EVA1A: variants seen among roughly 807,000 people sequenced by gnomAD.
EVA1A encodes the protein eva-1 homolog A, regulator of programmed cell death, also known as protein eva-1 homolog A.
In EVA1A, 7 loss-of-function variants were observed where a neutral mutation model predicts 9.8. The ratio of observed to expected loss-of-function variants is 0.71; its 90% confidence interval spans 0.41 to 1.34. EVA1A has a LOEUF of 1.34. EVA1A is among the 40% of genes most tolerant of loss of function. The pLI is 0.01. For synonymous variants in EVA1A, 90 were observed against 85.6 expected (o/e 1.05, Z -0.28); for missense variants, 206 against 205.9 (o/e 1.00, Z 0.00).
chr2:75,523,095 G>T (rs1297190250), intron 1 of EVA1A, among the ~76,000 whole-genome samples: 1 of 152,192 alleles, frequency 6.6e-6, no homozygotes, highest in Non-Finnish European at 1.5e-5. Flanking sequence ...TGAGCATTGA[G>T]CTGTCCCCAC....
At chr2:75,549,951 T>A (rs1424981976) in intron 1 of EVA1A, among the ~76,000 whole-genome samples, 1 of 152,232 alleles carries the variant, frequency 6.6e-6, no homozygotes, top group Non-Finnish European at 1.5e-5. Flanking sequence ...GTCAGCATCA[T>A]GAACATGAAC....
intron 1 of EVA1A, among the ~76,000 whole-genome samples, chr2:75,546,904 G>A (rs1676348621): frequency 7.7e-6 from 1 of 129,422 alleles, no homozygotes; most frequent in South Asian, 2.4e-4. Flanking sequence ...GCCATCAATA[G>A]GCCAAAAAAA....
intron 1 of EVA1A, among the ~76,000 whole-genome samples, chr2:75,544,309 T>A (rs1021612948): frequency 4.6e-5 from 7 of 152,246 alleles, no homozygotes; most frequent in Non-Finnish European, 8.8e-5. Flanking sequence ...CTGGAATGTA[T>A]GCTCTTATAA....
chr2:75,560,625 G>T (rs113609413), intron 1 of EVA1A, 55 bp downstream of exon 1: 2,649 of 62,762 alleles, frequency 0.042, 38 homozygotes, highest in South Asian at 0.08. Flanking sequence ...GCCGGAGCCC[G>T]CTGGGGATGC....
At chr2:75,543,544 T>G (rs1676215104) in intron 1 of EVA1A, among the ~76,000 whole-genome samples, 1 of 151,452 alleles carries the variant, frequency 6.6e-6, no homozygotes, top group African/African-American at 2.4e-5. Context: ...AACCTTGACC[T>G]GGAAGTCTAG....
At chr2:75,553,348 C>A (rs1676591764) in intron 1 of EVA1A, among the ~76,000 whole-genome samples, 1 of 152,208 alleles carries the variant, frequency 6.6e-6, no homozygotes, top group Admixed American at 6.5e-5. Context: ...CTGCCATAGG[C>A]CAGTTTACAG....
At chr2:75,503,891 AT>A (rs1558671964) in intron 3 of EVA1A, among the ~76,000 whole-genome samples, 2 of 152,230 alleles carry the variant, frequency 1.3e-5, no homozygotes, top group African/African-American at 4.8e-5. Flanking sequence ...ATAAAAATGT[AT>A]TGTACTTGGG....
At chr2:75,524,676 C>G (rs1675357188) in intron 1 of EVA1A, among the ~76,000 whole-genome samples, 1 of 152,170 alleles carries the variant, frequency 6.6e-6, no homozygotes. Flanking sequence ...CTCATTCCAT[C>G]TTCTCAGCTT....
At chr2:75,528,346 T>C (rs1404536082) in intron 1 of EVA1A, among the ~76,000 whole-genome samples, 1 of 152,140 alleles carries the variant, frequency 6.6e-6, no homozygotes, top group African/African-American at 2.4e-5. Context: ...AAGCCCTGCT[T>C]GCTTTCTCAG....
At chr2:75,560,022 C>T (rs1487418139) in intron 1 of EVA1A, among the ~76,000 whole-genome samples, 1 of 152,202 alleles carries the variant, frequency 6.6e-6, no homozygotes, top group East Asian at 1.9e-4. Flanking sequence ...GTACTGCGTG[C>T]CAACACCTCC....
intron 1 of EVA1A, among the ~76,000 whole-genome samples, chr2:75,543,584 C>T (rs531481454): frequency 5.3e-5 from 8 of 152,264 alleles, no homozygotes; most frequent in East Asian, 1.9e-4. Context: ...CACCCCACCC[C>T]GCAAGGAGCT....
chr2:75,496,360 A>G (rs903443852), intron 3 of EVA1A, among the ~76,000 whole-genome samples: 1 of 152,180 alleles, frequency 6.6e-6, no homozygotes, highest in Non-Finnish European at 1.5e-5. Flanking sequence ...AATCAATACA[A>G]AAATCAGTAG....
chr2:75,515,025 C>A (rs530736311), intron 3 of EVA1A, among the ~76,000 whole-genome samples: 1 of 152,202 alleles, frequency 6.6e-6, no homozygotes, highest in African/African-American at 2.4e-5. Flanking sequence ...AAATGTTAAT[C>A]GCATTGCAGT....
chr2:75,494,796 T>C (rs920904323), intron 3 of EVA1A, among the ~76,000 whole-genome samples: 11 of 152,210 alleles, frequency 7.2e-5, no homozygotes, highest in Non-Finnish European at 1.0e-4. Flanking sequence ...AAAGCAATAG[T>C]TGCAATCAGT....
At chr2:75,515,806 C>T (rs2103837315) in intron 3 of EVA1A, among the ~76,000 whole-genome samples, 1 of 152,236 alleles carries the variant, frequency 6.6e-6, no homozygotes, top group South Asian at 2.1e-4. Flanking sequence ...AATATAGACT[C>T]TCCCAACTCA....
chr2:75,513,117 G>C (rs375154725), intron 3 of EVA1A, among the ~76,000 whole-genome samples: 1 of 152,060 alleles, frequency 6.6e-6, no homozygotes, highest in South Asian at 2.1e-4. Flanking sequence ...CAGAAAAAAG[G>C]CTTTGAGAAT....
intron 3 of EVA1A, among the ~76,000 whole-genome samples, chr2:75,515,110 A>G (rs1339076370): frequency 6.6e-6 from 1 of 152,108 alleles, no homozygotes; most frequent in Non-Finnish European, 1.5e-5. Context: ...TCTTTTGCAA[A>G]CTGTTGATTC....
intron 1 of EVA1A, among the ~76,000 whole-genome samples, chr2:75,537,357 A>G (rs527944133): frequency 6.6e-6 from 1 of 152,344 alleles, no homozygotes; most frequent in African/African-American, 2.4e-5. Context: ...AGCTAACATT[A>G]TACTTCATCA....
chr2:75,559,553 T>G (rs1676840210), intron 1 of EVA1A, among the ~76,000 whole-genome samples: 1 of 152,178 alleles, frequency 6.6e-6, no homozygotes, highest in Admixed American at 6.5e-5. Flanking sequence ...AGGGGATGAA[T>G]TAATAAGATT....
Sources: allele counts gnomAD v4.1 joint callset (sites outside exome capture counted in the v4.1 genomes callset), GRCh38; gene constraint gnomAD v4.1.1; transcripts MANE v1.5; gene names NCBI Gene and HGNC (gene_info 2026-07-23, HGNC 2026-07-21).